SCD5: variants seen among roughly 807,000 people sequenced by gnomAD.
The protein encoded by SCD5 is stearoyl-CoA desaturase 5.
A neutral mutation model predicts 30.4 loss-of-function variants in SCD5; 20 were observed. That is an observed-to-expected ratio of 0.66 (90% CI 0.46 to 0.96). The LOEUF (loss-of-function observed/expected upper bound fraction) is 0.96. Among genes scored for constraint, SCD5 ranks in the 40% least tolerant of loss-of-function variants. The pLI is 0.00. For synonymous variants in SCD5, 173 were observed against 176.4 expected, an observed-to-expected ratio of 0.98 and a Z score of 0.16; for missense variants, 381 against 443.3, an observed-to-expected ratio of 0.86 and a Z score of 1.26.
At chr4:82,676,134 T>C (rs1728431983) in intron 3 of SCD5, among the ~76,000 whole-genome samples, 1 of 152,116 alleles carries the variant, frequency 6.6e-6, no homozygotes, top group Admixed American at 6.5e-5. Context: ...GGTTGGAGAT[T>C]TAGTGATCAG....
At position 82,636,749 on chromosome 4, in the gene SCD5, C is replaced by T. The variant is rs1727440500; in HGVS notation, c.644G>A (p.Ser215Asn). The T allele has an allele frequency of 1.2e-6, 2 of 1,614,116 alleles. No homozygotes were observed. The highest frequency in any genetic ancestry group is 1.7e-5 in the Admixed American group (1 of 60,006). The change falls in exon 4 of 5, where the codon AGT becomes AAT. Residue 215 changes from serine (S) to asparagine (N), a missense_variant. Ser to Asn is a conservative substitution (Grantham distance 46, BLOSUM62 1). Transcript: ENST00000319540. ...TLVPWYIWGE[S>N]LWNSYFLASI... ...GGCCAAGAAGTAGGAATTCCACAGACTCTCTCCCCAGATGTACCAGGGCAC... is the reference window on the plus strand; with the variant it reads ...GGCCAAGAAGTAGGAATTCCACAGATTCTCTCCCCAGATGTACCAGGGCAC...
intron 1 of SCD5, among the ~76,000 whole-genome samples, chr4:82,767,935 G>A (rs1366530070): frequency 1.3e-5 from 2 of 151,980 alleles, no homozygotes; most frequent in Admixed American, 6.6e-5. Flanking sequence ...ACTCCCACTT[G>A]TCCTCTTTTT....
rs398051208 is a variant in SCD5, at chr4:82,726,417, C to CAAA, written c.233-21007_233-21005dup. Among the ~76,000 whole-genome samples, 835 of 108,704 alleles carry CAAA rather than the reference C, an allele frequency of 7.7e-3. 19 individuals carry two copies. The highest frequency in any genetic ancestry group is 0.024 in the African/African-American group (755 of 31,032). 71.3% of individuals were successfully genotyped at this position (108,704 alleles called of 152,430 possible). On this transcript the variant is annotated intron_variant, in intron 1 of 4. Coordinates refer to ENST00000319540, the MANE Select transcript of SCD5 (RefSeq NM_001037582.3). ...GGGCAACAACAGCGAAACTCTGTCT[C>CAAA]AAAAAAAAAAAAAAAAAACAATTAC...
At chr4:82,704,655 T>C (rs1050694963) in intron 2 of SCD5, among the ~76,000 whole-genome samples, 1 of 152,198 alleles carries the variant, frequency 6.6e-6, no homozygotes, top group African/African-American at 2.4e-5. Flanking sequence ...AAACTGAAGT[T>C]GAGGAAGTGA....
chr4:82,750,586 G>A (rs569466602), intron 1 of SCD5, among the ~76,000 whole-genome samples: 7 of 151,988 alleles, frequency 4.6e-5, no homozygotes, highest in African/African-American at 1.7e-4. Flanking sequence ...AGAGTCTTTT[G>A]AGTCCTCGAG....
At chr4:82,677,302 G>A (rs1490197873) in intron 3 of SCD5, among the ~76,000 whole-genome samples, 2 of 152,200 alleles carry the variant, frequency 1.3e-5, no homozygotes, top group African/African-American at 2.4e-5. Context: ...AGAGCAGGTG[G>A]AGATTCAGCC....
chr4:82,640,127 G>T (rs1007472926), intron 3 of SCD5, among the ~76,000 whole-genome samples: 1 of 152,106 alleles, frequency 6.6e-6, no homozygotes, highest in African/African-American at 2.4e-5. Context: ...CTGTGGAATC[G>T]GCCTTCTCTG....
At chr4:82,768,129 C>A (rs1184618579) in intron 1 of SCD5, among the ~76,000 whole-genome samples, 1 of 152,142 alleles carries the variant, frequency 6.6e-6, no homozygotes, top group African/African-American at 2.4e-5. Context: ...GATACTCATT[C>A]TAAGTACTCC....
chr4:82,733,933 AC>A (rs1720694622), intron 1 of SCD5, among the ~76,000 whole-genome samples: 1 of 152,194 alleles, frequency 6.6e-6, no homozygotes, highest in Non-Finnish European at 1.5e-5. Context: ...TCAGGGTGAG[AC>A]CTACAAGATT....
chr4:82,703,163 A>G (rs1410782198), intron 2 of SCD5, among the ~76,000 whole-genome samples: 1 of 152,212 alleles, frequency 6.6e-6, no homozygotes, highest in Non-Finnish European at 1.5e-5. Flanking sequence ...GTAGGTGCTC[A>G]ATAAGTATTC....
chr4:82,662,718 G>C (rs939397434), intron 3 of SCD5, among the ~76,000 whole-genome samples: 1 of 151,832 alleles, frequency 6.6e-6, no homozygotes, highest in Non-Finnish European at 1.5e-5. Context: ...AAATTAGCTG[G>C]GCATGGTGAT....
chr4:82,767,908 G>A (rs1267335284), intron 1 of SCD5, among the ~76,000 whole-genome samples: 1 of 152,088 alleles, frequency 6.6e-6, no homozygotes, highest in African/African-American at 2.4e-5. Context: ...GCTACCCACA[G>A]CATGAGGCAT....
chr4:82,754,973 G>A (rs530992873), intron 1 of SCD5, among the ~76,000 whole-genome samples: 24 of 152,240 alleles, frequency 1.6e-4, no homozygotes, highest in African/African-American at 2.2e-4. Context: ...AGAGACAGCC[G>A]CTAAAACAGA....
chr4:82,633,945 T>C (rs1727371998), intron 4 of SCD5, among the ~76,000 whole-genome samples: 1 of 152,214 alleles, frequency 6.6e-6, no homozygotes, highest in South Asian at 2.1e-4. Context: ...CTCCCAGTCC[T>C]GTTTTCTATC....
In SCD5 at chr4:82,631,441, T is replaced by C. The variant is rs1560518893; in HGVS notation, c.879A>G (p.Pro293=). The C allele has an allele frequency of 6.2e-7, 1 of 1,614,206 alleles. No homozygotes were observed. The highest frequency in any genetic ancestry group is 1.7e-5 in the Admixed American group (1 of 60,012). ...ACATGAAATCAATGAACCAGGTGGTTGGGTTAAAATTTAAGCCAAATTCAC... is the reference window on the plus strand; with the variant it reads ...ACATGAAATCAATGAACCAGGTGGTCGGGTTAAAATTTAAGCCAAATTCAC... ...SASEFGLNFN[P]TTWFIDFMCW... The change falls in exon 5 of 5, where the codon CCA becomes CCG. Residue 293 remains proline, a synonymous_variant. Transcript: ENST00000319540.
chr4:82,667,291 C>CGCAG (rs1560528749), intron 3 of SCD5, among the ~76,000 whole-genome samples: 1 of 152,104 alleles, frequency 6.6e-6, no homozygotes. Context: ...CACACACGCA[C>CGCAG]GCACGCACGC....
At chr4:82,663,211 T>C (rs1008547505) in intron 3 of SCD5, among the ~76,000 whole-genome samples, 1 of 152,200 alleles carries the variant, frequency 6.6e-6, no homozygotes, top group Non-Finnish European at 1.5e-5. Flanking sequence ...CACATGAATA[T>C]GAATGGCTTC....
Position 82,680,831 on chromosome 4 carries a change from G to A in SCD5, c.445C>T (p.Arg149Trp), listed in dbSNP as rs200922750. The A allele has an allele frequency of 1.9e-6, 3 of 1,613,838 alleles. No individual in the cohort carries two copies. Among genetic ancestry groups the A allele is most frequent in the East Asian group, 2.2e-5 (1 of 44,840 alleles). Residue 149 changes from arginine (R) to tryptophan (W), a missense_variant, in exon 3 of 5, where the codon CGG becomes TGG. Arg to Trp is a moderately radical substitution (Grantham distance 101). Coordinates refer to ENST00000319540, the MANE Select transcript of SCD5 (RefSeq NM_001037582.3). ...ETDADPHNAR[R>W]GFFFSHIGWL... ...CCAATATGGGAGAAGAAGAAGCCCC[G>A]GCGGGCATTGTGGGGGTCAGCATCC... is the stretch of plus-strand genomic sequence containing the variant.
In SCD5 at chr4:82,653,918, A is replaced by ATT. The variant is rs34178799; in HGVS notation, c.570-17097_570-17096dup. 2.8e-3 allele frequency among the ~76,000 whole-genome samples: 418 copies of ATT among 146,700 alleles called. 1 individual carries two copies. Among genetic ancestry groups the ATT allele is most frequent in the East Asian group, 8.6e-3 (42 of 4,912 alleles). On this transcript the variant is annotated intron_variant, in intron 3 of 4. Coordinates refer to ENST00000319540, the MANE Select transcript of SCD5 (RefSeq NM_001037582.3). ...TCACACTTCAGTTGAGTCAATGAGT[A>ATT]TTTTTTTTTTTTTTAATCAAACGGA... is the stretch of plus-strand genomic sequence containing the variant.
Sources: allele counts gnomAD v4.1 joint callset (sites outside exome capture counted in the v4.1 genomes callset), GRCh38; gene constraint gnomAD v4.1.1; transcripts MANE v1.5; gene names NCBI Gene and HGNC (gene_info 2026-07-23, HGNC 2026-07-21).